Variants in EPB41L1 observed in about 807,000 individuals in gnomAD.
EPB41L1 encodes the protein erythrocyte membrane protein band 4.1 like 1, also known as band 4.1-like protein 1.
A neutral mutation model predicts 97.8 loss-of-function variants in EPB41L1; 29 were observed. The observed-to-expected ratio is 0.30, with a 90% CI of 0.22 to 0.40. The LOEUF is 0.40. Among genes scored for constraint, EPB41L1 ranks in the 10% least tolerant of loss-of-function variants. The probability of loss-of-function intolerance (pLI) is 1.00; values close to 1 mark genes in which losing one functional copy is unlikely to be tolerated. For synonymous variants in EPB41L1, 383 were observed against 459.2 expected, an observed-to-expected ratio of 0.83 and a Z score of 2.12; for missense variants, 812 against 1,162.3, an observed-to-expected ratio of 0.70 and a Z score of 4.38.
intron 1 of EPB41L1, among the ~76,000 whole-genome samples, chr20:36,163,177 G>A (rs191260860): frequency 4.0e-5 from 6 of 148,694 alleles, no homozygotes; most frequent in South Asian, 2.1e-4. Context: ...TTCTGACTCC[G>A]AAAGTAATAC....
At chr20:36,163,913 G>A (rs768218012) in intron 1 of EPB41L1, among the ~76,000 whole-genome samples, 1 of 152,092 alleles carries the variant, frequency 6.6e-6, no homozygotes, top group Non-Finnish European at 1.5e-5. Context: ...CTAGAGTGCA[G>A]TAGCATGATC....
At chr20:36,186,953 C>G (rs1015109422) in intron 7 of EPB41L1, among the ~76,000 whole-genome samples, 1 of 152,222 alleles carries the variant, frequency 6.6e-6, no homozygotes, top group Non-Finnish European at 1.5e-5. Context: ...TCTGACTCTT[C>G]TTCATAGCAG....
intron 1 of EPB41L1, among the ~76,000 whole-genome samples, chr20:36,099,503 A>C (rs1424894061): frequency 6.6e-6 from 1 of 152,166 alleles, no homozygotes; most frequent in Non-Finnish European, 1.5e-5. Context: ...TTATAATAAT[A>C]ATCATCATAA....
chr20:36,160,086 G>A (rs2060468306), intron 1 of EPB41L1, among the ~76,000 whole-genome samples: 1 of 152,152 alleles, frequency 6.6e-6, no homozygotes, highest in African/African-American at 2.4e-5. Flanking sequence ...TGGGAAAGAA[G>A]ACCCATAAGA....
intron 14 of EPB41L1, among the ~76,000 whole-genome samples, chr20:36,198,397 G>A (rs1417321090): frequency 1.3e-5 from 2 of 152,208 alleles, no homozygotes; most frequent in East Asian, 3.8e-4. Flanking sequence ...GCTGGCATCG[G>A]CATCTGGACA....
At chr20:36,123,103 C>T (rs938377230) in intron 2 of EPB41L1, among the ~76,000 whole-genome samples, 3 of 151,890 alleles carry the variant, frequency 2.0e-5, no homozygotes, top group African/African-American at 7.3e-5. Context: ...TCTCTAGGCC[C>T]CCTCCCATGC....
intron 1 of EPB41L1, among the ~76,000 whole-genome samples, chr20:36,162,989 T>C (rs2060593645): frequency 1.3e-5 from 2 of 152,214 alleles, no homozygotes; most frequent in Admixed American, 1.3e-4. Flanking sequence ...GCCTGTACCC[T>C]CCATCCTTTC....
intron 2 of EPB41L1, among the ~76,000 whole-genome samples, chr20:36,124,021 G>A (rs2058856889): frequency 6.6e-6 from 1 of 152,086 alleles, no homozygotes; most frequent in African/African-American, 2.4e-5. Context: ...GTCTGAGGTG[G>A]GCGGATCACG....
chr20:36,113,552 G>C (rs2058487679), intron 2 of EPB41L1: 1 of 151,814 alleles, frequency 6.6e-6, no homozygotes. Flanking sequence ...GGCAGAGCTG[G>C]GAGCATGTTG....
rs921924867 is a variant in EPB41L1 at position 36,229,566 on chromosome 20, C to G, written c.*226C>G. Reference sequence around the variant, plus strand: ...TGCACTGCTGCTGGGGCTGGCAGAGCAGTTGGCTGACAGCAACAACCGACA... The same window carrying G: ...TGCACTGCTGCTGGGGCTGGCAGAGGAGTTGGCTGACAGCAACAACCGACA... On this transcript the variant is annotated 3_prime_UTR_variant, in exon 22 of 22. Coordinates refer to ENST00000338074, the MANE Select transcript of EPB41L1 (RefSeq NM_012156.2). 10 of 415,442 alleles carry G rather than the reference C, an allele frequency of 2.4e-5. No individual in the cohort carries two copies. Among genetic ancestry groups the G allele is most frequent in the African/African-American group, 2.0e-4 (10 of 49,348 alleles). The allele number at this position is 415,442 out of a possible 1,614,324, so 25.7% of individuals were successfully genotyped here. A position where few individuals can be genotyped will look rare whatever the true frequency, so the allele number is the denominator to read the frequency against.
chr20:36,170,586 G>T (rs559294128), intron 1 of EPB41L1, among the ~76,000 whole-genome samples: 11 of 152,284 alleles, frequency 7.2e-5, no homozygotes, highest in African/African-American at 2.6e-4. Context: ...CCACGTCCTT[G>T]GTGTCTAGCG....
intron 2 of EPB41L1, among the ~76,000 whole-genome samples, chr20:36,147,342 G>A (rs1358885247): frequency 2.0e-5 from 3 of 152,054 alleles, no homozygotes; most frequent in Non-Finnish European, 4.4e-5. Context: ...CAGATCATAA[G>A]TTTACACATA....
At chr20:36,200,578 C>T (rs1195292437) in intron 14 of EPB41L1, among the ~76,000 whole-genome samples, 1 of 152,196 alleles carries the variant, frequency 6.6e-6, no homozygotes, top group Non-Finnish European at 1.5e-5. Flanking sequence ...ATGGCTCCAA[C>T]ATCTCTGAAT....
chr20:36,106,764 A>G (rs1053623453), intron 1 of EPB41L1, among the ~76,000 whole-genome samples: 5 of 152,350 alleles, frequency 3.3e-5, no homozygotes, highest in Admixed American at 2.0e-4. Flanking sequence ...CAGCTGCCCT[A>G]TACAGCAGCC....
intron 1 of EPB41L1, among the ~76,000 whole-genome samples, chr20:36,095,511 C>G (rs6088995): frequency 6.6e-6 from 1 of 152,198 alleles, no homozygotes; most frequent in African/African-American, 2.4e-5. Context: ...CTCCCTAAGC[C>G]TTGGTTTACC....
At chr20:36,145,226 TA>T (rs1239355500) in intron 2 of EPB41L1, among the ~76,000 whole-genome samples, 1 of 151,796 alleles carries the variant, frequency 6.6e-6, no homozygotes, top group Non-Finnish European at 1.5e-5. Context: ...CCGTCTCTAC[TA>T]AAAATACAAA....
chr20:36,188,665 GA>G (rs1271831606), intron 9 of EPB41L1, among the ~76,000 whole-genome samples, 166 bp downstream of exon 9: 3 of 149,690 alleles, frequency 2.0e-5, no homozygotes, highest in African/African-American at 5.0e-5. Flanking sequence ...GAGAGAGAGA[GA>G]GAGGAGTCTA....
intron 8 of EPB41L1, 107 bp from the exon 9 acceptor site, chr20:36,188,240 G>C: frequency 6.7e-7 from 1 of 1,488,998 alleles, no homozygotes; most frequent in Non-Finnish European, 9.3e-7. Context: ...CCCTGTTCCT[G>C]AGAGCTCGTT....
intron 5 of EPB41L1, among the ~76,000 whole-genome samples, chr20:36,181,708 C>T (rs928877913): frequency 6.6e-6 from 1 of 152,178 alleles, no homozygotes; most frequent in Admixed American, 6.5e-5. Flanking sequence ...TGCATGTTCC[C>T]CTCAGAGAGT....
Sources: gnomAD v4.1 joint callset for allele counts (sites outside exome capture counted in the v4.1 genomes callset) on GRCh38, gnomAD v4.1.1 for gene constraint, MANE v1.5 for transcripts, NCBI Gene and HGNC (gene_info 2026-07-23, HGNC 2026-07-21) for gene names.